The following GPHN variants were observed in gnomAD, a reference collection of about 807,000 sequenced individuals.
GPHN encodes gephyrin.
Under a neutral mutation model 95.5 loss-of-function variants are expected in GPHN, and 17 were observed. That is an observed-to-expected ratio of 0.18 (90% CI 0.12 to 0.27). The LOEUF (loss-of-function observed/expected upper bound fraction) is 0.27, where lower values mean the gene tolerates loss of function less well. Ranked by LOEUF, GPHN falls within the 10% of genes least tolerant of loss-of-function variation. The pLI is 1.00. For missense variants in GPHN, 660 were observed against 978.1 expected, an observed-to-expected ratio of 0.67 and a Z score of 4.34; for synonymous variants, 320 against 322.5, an observed-to-expected ratio of 0.99 and a Z score of 0.08.
chr14:66,707,108 A>G lies in GPHN; in HGVS notation c.143+25923A>G, dbSNP rs750559261. On this transcript the variant is annotated intron_variant, in intron 2 of 22. Transcript: ENST00000478722. ...TAGAGAAATGCAAATCAAAACCACA[A>G]TGAGATACCATCTCACGCCAGTCAG... 4.1e-4 allele frequency among the ~76,000 whole-genome samples: 62 copies of G among 152,162 alleles called. 2 individuals carry two copies. Among genetic ancestry groups the G allele is most frequent in the Non-Finnish European group, 8.5e-4 (58 of 68,034 alleles).
the GPHN span, chr14:67,572,048 G>A: frequency 6.6e-7 from 1 of 1,503,902 alleles, no homozygotes. Flanking sequence ...CCGGGTCCCG[G>A]GTGGGTGGTC....
chr14:67,254,793 T>G, the GPHN span, among the ~76,000 whole-genome samples: 1 of 152,248 alleles, frequency 6.6e-6, no homozygotes, highest in South Asian at 2.1e-4. Context: ...AATCATCTAC[T>G]AATTTGCTAA....
chr14:67,463,167 C>T, the GPHN span, among the ~76,000 whole-genome samples: 27 of 152,178 alleles, frequency 1.8e-4, no homozygotes, highest in African/African-American at 6.3e-4. Flanking sequence ...ACCTGTAATC[C>T]CAGCACTTTG....
intron 3 of GPHN, among the ~76,000 whole-genome samples, chr14:66,817,209 A>G (rs962512611): frequency 6.6e-6 from 1 of 152,016 alleles, no homozygotes; most frequent in Non-Finnish European, 1.5e-5. Context: ...TTAAAATAAT[A>G]TATATGTGTG....
chr14:66,921,442 T>C (rs1567104232), intron 6 of GPHN, among the ~76,000 whole-genome samples: 1 of 148,266 alleles, frequency 6.7e-6, no homozygotes, highest in African/African-American at 2.4e-5. Context: ...TTTGATGGGA[T>C]TGTTTTTTTT....
intron 1 of GPHN, among the ~76,000 whole-genome samples, chr14:66,656,962 C>G (rs1427911461): frequency 1.3e-5 from 2 of 152,102 alleles, no homozygotes; most frequent in African/African-American, 4.8e-5. Flanking sequence ...TAAAAGTGAG[C>G]AAATTTACTG....
the GPHN span, among the ~76,000 whole-genome samples, chr14:67,672,722 T>C: frequency 6.6e-6 from 1 of 152,144 alleles, no homozygotes; most frequent in Non-Finnish European, 1.5e-5. Context: ...GAATTACAGG[T>C]GTGAGCCACC....
chr14:67,056,522 A>G (rs1398175502), intron 10 of GPHN, among the ~76,000 whole-genome samples: 1 of 151,542 alleles, frequency 6.6e-6, no homozygotes, highest in Non-Finnish European at 1.5e-5. Flanking sequence ...AGTCCCCACC[A>G]GATTAGCTAG....
At chr14:67,409,217 T>C in the GPHN span, among the ~76,000 whole-genome samples, 18 of 152,120 alleles carry the variant, frequency 1.2e-4, no homozygotes, top group Admixed American at 6.6e-4. Flanking sequence ...TACTCCAGCC[T>C]GGGCAACAGA....
chr14:67,281,810 A>AT, the GPHN span, among the ~76,000 whole-genome samples: 28,186 of 146,784 alleles, frequency 0.19, 5,240 homozygotes, highest in African/African-American at 0.45. Flanking sequence ...ATTTCTCTTA[A>AT]TTTTTTTTTT....
chr14:66,520,198 G>C (rs898252512), intron 1 of GPHN, among the ~76,000 whole-genome samples: 3 of 152,066 alleles, frequency 2.0e-5, no homozygotes, highest in Non-Finnish European at 4.4e-5. Flanking sequence ...ATCATTACAA[G>C]TTTATAAGTT....
intron 14 of GPHN, 100 bp from the exon 15 acceptor site, chr14:67,111,761 G>T (rs1340470752): frequency 1.2e-6 from 1 of 860,180 alleles, no homozygotes; most frequent in Non-Finnish European, 2.0e-6. Flanking sequence ...GTCTATATTT[G>T]TATATATCCT....
At chr14:67,637,410 CAAAA>C in the GPHN span, among the ~76,000 whole-genome samples, 5 of 103,616 alleles carry the variant, frequency 4.8e-5, no homozygotes, top group Non-Finnish European at 7.1e-5. Context: ...GACTCTGTCT[CAAAA>C]AAAAAAAAAA....
the GPHN span, among the ~76,000 whole-genome samples, chr14:67,698,052 T>C: frequency 6.6e-6 from 1 of 152,202 alleles, no homozygotes; most frequent in Non-Finnish European, 1.5e-5. Flanking sequence ...CTGGGGCTAA[T>C]CAACATTGCA....
At chr14:67,620,343 G>C in the GPHN span, among the ~76,000 whole-genome samples, 1 of 152,104 alleles carries the variant, frequency 6.6e-6, no homozygotes, top group Non-Finnish European at 1.5e-5. Flanking sequence ...GGCCTCCCCA[G>C]AAAGACCGAG....
chr14:67,336,760 A>T, the GPHN span: 1 of 456,092 alleles, frequency 2.2e-6, no homozygotes, highest in Non-Finnish European at 4.4e-6. Context: ...ACGAAATGTT[A>T]AACAGTTACC....
chr14:67,048,205 T>C (rs1461093413), intron 10 of GPHN, among the ~76,000 whole-genome samples: 1 of 152,226 alleles, frequency 6.6e-6, no homozygotes, highest in Admixed American at 6.5e-5. Flanking sequence ...TATTTAACCA[T>C]GTCTTTGATG....
At chr14:66,649,016 GT>G (rs1468279532) in intron 1 of GPHN, among the ~76,000 whole-genome samples, 1 of 152,130 alleles carries the variant, frequency 6.6e-6, no homozygotes, top group Non-Finnish European at 1.5e-5. Flanking sequence ...ATGAAAGTAT[GT>G]TTGGTAATAC....
chr14:67,168,742 A>C (rs2082426826), intron 20 of GPHN, among the ~76,000 whole-genome samples, 191 bp from the exon 21 acceptor site: 1 of 152,170 alleles, frequency 6.6e-6, no homozygotes. Flanking sequence ...TGAAAGACGC[A>C]AATGTTTACA....
Sources: allele counts gnomAD v4.1 joint callset (sites outside exome capture counted in the v4.1 genomes callset), GRCh38; gene constraint gnomAD v4.1.1; transcripts MANE v1.5; gene names NCBI Gene and HGNC (gene_info 2026-07-23, HGNC 2026-07-21).